The following EXOC4 variants were observed in gnomAD, a reference collection of about 807,000 sequenced individuals.
EXOC4 encodes the protein SEC8-like 1.
Under a neutral mutation model 107.2 loss-of-function variants are expected in EXOC4, and 71 were observed. The ratio of observed to expected loss-of-function variants is 0.66; its 90% CI spans 0.55 to 0.81. The LOEUF (loss-of-function observed/expected upper bound fraction) is 0.81. EXOC4 is among the 30% of genes least tolerant of loss of function. The pLI, the probability that EXOC4 is intolerant of heterozygous loss-of-function variation, is 0.00. For synonymous variants in EXOC4, 456 were observed against 441.2 expected (o/e 1.03, Z -0.42); for missense variants, 1,108 against 1,189.6 (o/e 0.93, Z 1.01).
chr7:133,675,848 A>C (rs1458444573), intron 10 of EXOC4, among the ~76,000 whole-genome samples: 3 of 152,146 alleles, frequency 2.0e-5, no homozygotes, highest in African/African-American at 7.2e-5. Context: ...TTGAGATGAA[A>C]TATGCCAGCT....
chr7:134,028,193 A>G lies in EXOC4; in HGVS notation c.2687+20358A>G, dbSNP rs533487560. On this transcript the variant is annotated intron_variant, in intron 17 of 17. Transcript: ENST00000253861. ...ATCCACCTTCTCTAATACTAGAGTA[A>G]CATTGCTGTGGACACATCTTTACAA... Among the ~76,000 whole-genome samples the G allele has an allele frequency of 2.6e-5, 4 of 152,350 alleles. No homozygotes were observed. In the South Asian group the frequency reaches 8.3e-4, roughly 32 times the overall value.
chr7:133,666,240 A>G (rs915680008), intron 10 of EXOC4, among the ~76,000 whole-genome samples: 11 of 152,214 alleles, frequency 7.2e-5, no homozygotes, highest in African/African-American at 2.4e-4. Flanking sequence ...TGTCCTGCCA[A>G]TGACCTGATA....
At chr7:133,567,749 A>G (rs12707098) in intron 9 of EXOC4, among the ~76,000 whole-genome samples, 151,705 of 152,276 alleles carry the variant, frequency 1, 75,574 homozygotes, top group Middle Eastern at 1. Context: ...CGTAGCAGAA[A>G]GGCAAAAGGC....
At chr7:133,912,695 C>T (rs1799722696) in intron 12 of EXOC4, among the ~76,000 whole-genome samples, 1 of 151,304 alleles carries the variant, frequency 6.6e-6, no homozygotes, top group African/African-American at 2.4e-5. Context: ...GACAGAAAAA[C>T]TAAGAAGAAA....
chr7:133,301,944 A>G (rs1794650765), intron 3 of EXOC4, among the ~76,000 whole-genome samples: 1 of 152,238 alleles, frequency 6.6e-6, no homozygotes, highest in African/African-American at 2.4e-5. Context: ...AAAGACAAGC[A>G]TTAACTAGGA....
intron 10 of EXOC4, among the ~76,000 whole-genome samples, chr7:133,674,504 GT>G (rs1794014140): frequency 6.6e-6 from 1 of 152,150 alleles, no homozygotes; most frequent in Non-Finnish European, 1.5e-5. Flanking sequence ...AGTTTGGTGT[GT>G]TTAACCTCAT....
At chr7:133,487,075 C>T (rs1386849808) in intron 9 of EXOC4, among the ~76,000 whole-genome samples, 2 of 152,162 alleles carry the variant, frequency 1.3e-5, no homozygotes, top group Non-Finnish European at 2.9e-5. Context: ...CTGAATAAAT[C>T]TGATCCATGC....
At chr7:133,628,493 C>T (rs1240463921) in intron 9 of EXOC4, among the ~76,000 whole-genome samples, 1 of 152,256 alleles carries the variant, frequency 6.6e-6, no homozygotes, top group East Asian at 1.9e-4. Flanking sequence ...ATCAGTCAGG[C>T]GTTATATCAC....
intron 7 of EXOC4, among the ~76,000 whole-genome samples, chr7:133,470,755 C>A (rs907292656): frequency 6.6e-6 from 1 of 152,032 alleles, no homozygotes; most frequent in Non-Finnish European, 1.5e-5. Flanking sequence ...GAATTGAGAG[C>A]CAACAAGAAT....
Position 133,289,130 on chromosome 7 carries a change from C to T in EXOC4, c.471+14C>T. 6.2e-7 allele frequency: 1 copy of T among 1,611,718 alleles called. No individual in the cohort carries two copies. Reference sequence around the variant, plus strand: ...ACTGACATGTTGGTAAGAGAACAGCCTGTGCTAAGGGTCATTTTTGTTAAG... The same window carrying T: ...ACTGACATGTTGGTAAGAGAACAGCTTGTGCTAAGGGTCATTTTTGTTAAG... On this transcript the variant is annotated intron_variant, in intron 3 of 17. Coordinates refer to ENST00000253861, the MANE Select transcript of EXOC4 (RefSeq NM_021807.4).
At chr7:134,020,209 G>C (rs17167392) in intron 17 of EXOC4, among the ~76,000 whole-genome samples, 27,314 of 152,142 alleles carry the variant, frequency 0.18, 3,316 homozygotes, top group East Asian at 0.43. Flanking sequence ...TCAGCTACAG[G>C]GTCTCTTGCA....
chr7:133,327,800 A>G (rs111571038), intron 5 of EXOC4, among the ~76,000 whole-genome samples: 8 of 152,244 alleles, frequency 5.3e-5, no homozygotes, highest in African/African-American at 1.7e-4. Flanking sequence ...GTGGTCTGAG[A>G]TACTGTTTGT....
chr7:133,641,431 CAT>C (rs34252534), intron 10 of EXOC4, among the ~76,000 whole-genome samples: 31 of 151,692 alleles, frequency 2.0e-4, no homozygotes, highest in African/African-American at 5.8e-4. Flanking sequence ...CCTGAGCACA[CAT>C]ATATATATAG....
intron 17 of EXOC4, among the ~76,000 whole-genome samples, chr7:134,060,875 G>C (rs1251022941): frequency 6.6e-6 from 1 of 152,102 alleles, no homozygotes; most frequent in African/African-American, 2.4e-5. Context: ...TCTAACTATA[G>C]AAAATACACC....
intron 10 of EXOC4, among the ~76,000 whole-genome samples, chr7:133,816,360 G>A (rs2550986): frequency 0.38 from 57,519 of 151,900 alleles, 13,419 homozygotes; most frequent in Admixed American, 0.55. Flanking sequence ...ATTAAAATAA[G>A]AATTTTAATA....
chr7:133,919,945 T>C (rs547280787), intron 13 of EXOC4, among the ~76,000 whole-genome samples: 1 of 152,310 alleles, frequency 6.6e-6, no homozygotes, highest in South Asian at 2.1e-4. Context: ...ATATGTTTAG[T>C]TGTATAAGAA....
At chr7:133,897,701 G>C (rs1799351457) in intron 12 of EXOC4, among the ~76,000 whole-genome samples, 1 of 151,156 alleles carries the variant, frequency 6.6e-6, no homozygotes, top group African/African-American at 2.4e-5. Flanking sequence ...GATTCTATTG[G>C]ATGCTTTTTT....
At chr7:133,650,086 T>C (rs1803102823) in intron 10 of EXOC4, among the ~76,000 whole-genome samples, 2 of 152,286 alleles carry the variant, frequency 1.3e-5, no homozygotes, top group Non-Finnish European at 2.9e-5. Flanking sequence ...CAGCTTGGAA[T>C]ACATTCTTTT....
intron 9 of EXOC4, among the ~76,000 whole-genome samples, chr7:133,537,305 C>G (rs555559283): frequency 4.8e-5 from 7 of 146,914 alleles, no homozygotes; most frequent in East Asian, 3.9e-4. Context: ...CACCCCCCCC[C>G]CCACCACACC....
Sources: gnomAD v4.1 joint callset for allele counts (sites outside exome capture counted in the v4.1 genomes callset) on GRCh38, gnomAD v4.1.1 for gene constraint, MANE v1.5 for transcripts, NCBI Gene and HGNC (gene_info 2026-07-23, HGNC 2026-07-21) for gene names.